The following LARS2 variants were observed in gnomAD, a reference collection of about 807,000 sequenced individuals.
LARS2 encodes leucyl-tRNA synthetase 2, mitochondrial.
A neutral mutation model predicts 116.6 loss-of-function variants in LARS2; 81 were observed. The ratio of observed to expected loss-of-function variants is 0.69; its 90% CI spans 0.58 to 0.84. The LOEUF is 0.84. Ranked by LOEUF, LARS2 falls within the 40% of genes least tolerant of loss-of-function variation. The probability of loss-of-function intolerance (pLI) is 0.00; values close to 1 mark genes in which losing one functional copy is unlikely to be tolerated. For missense variants in LARS2, 968 were observed against 1,114.5 expected, an observed-to-expected ratio of 0.87 and a Z score of 1.87; for synonymous variants, 396 against 407.2, an observed-to-expected ratio of 0.97 and a Z score of 0.33.
intron 13 of LARS2, among the ~76,000 whole-genome samples, chr3:45,495,716 C>T (rs185509211): frequency 3.2e-4 from 49 of 152,238 alleles, no homozygotes; most frequent in African/African-American, 1.2e-3. Context: ...AGGCTTTCTA[C>T]CAGGTTAAAT....
At chr3:45,487,879 A>G (rs973069542) in intron 11 of LARS2, among the ~76,000 whole-genome samples, 2 of 152,160 alleles carry the variant, frequency 1.3e-5, no homozygotes, top group Non-Finnish European at 2.9e-5. Flanking sequence ...TCAAGGACAT[A>G]TGTGAGTTAA....
In LARS2 at chr3:45,417,826, A is replaced by G. The variant is rs542817635; in HGVS notation, c.455+253A>G. On this transcript the variant is annotated intron_variant, in intron 5 of 21. Transcript: ENST00000645846. Reference sequence around the variant, plus strand: ...GTTATTTACAGTTATTTTTCCTTCGAGTATTTACATTCGGTAGGAAAAAGA... The same window carrying G: ...GTTATTTACAGTTATTTTTCCTTCGGGTATTTACATTCGGTAGGAAAAAGA... Among the ~76,000 whole-genome samples, 17 of 152,288 alleles carry G rather than the reference A, an allele frequency of 1.1e-4. No individual in the cohort carries two copies. The South Asian group carries it at 3.1e-3, about 28-fold the overall frequency.
At chr3:45,390,503 A>AG in intron 1 of LARS2, among the ~76,000 whole-genome samples, 2 of 149,308 alleles carry the variant, frequency 1.3e-5, no homozygotes, top group South Asian at 4.2e-4. Context: ...TAGTAGAGAC[A>AG]GGGTTTCACC....
intron 16 of LARS2, among the ~76,000 whole-genome samples, chr3:45,515,875 C>T (rs755571378): frequency 5.9e-5 from 9 of 152,030 alleles, no homozygotes; most frequent in Admixed American, 3.3e-4. Flanking sequence ...CCTGTTTATT[C>T]GCGAAGGTTT....
chr3:45,520,851 A>G (rs773094531), intron 19 of LARS2, among the ~76,000 whole-genome samples: 55 of 152,218 alleles, frequency 3.6e-4, no homozygotes, highest in Non-Finnish European at 7.1e-4. Context: ...CATTAAAGCT[A>G]TTAACAAATG....
intron 20 of LARS2, among the ~76,000 whole-genome samples, chr3:45,540,146 C>G (rs1700768839): frequency 6.6e-6 from 1 of 152,038 alleles, no homozygotes; most frequent in African/African-American, 2.4e-5. Context: ...GTAACCCCAG[C>G]TACTCAGGAG....
At chr3:45,544,635 A>G (rs911454892) in intron 21 of LARS2, among the ~76,000 whole-genome samples, 2 of 152,178 alleles carry the variant, frequency 1.3e-5, no homozygotes, top group African/African-American at 4.8e-5. Flanking sequence ...GACTAACCCT[A>G]TCTTACAGGC....
At chr3:45,399,462 TG>T (rs1698105097) in intron 3 of LARS2, among the ~76,000 whole-genome samples, 1 of 149,870 alleles carries the variant, frequency 6.7e-6, no homozygotes, top group African/African-American at 2.4e-5. Flanking sequence ...AAAAGAGAAG[TG>T]TTTTTTTGTT....
At chr3:45,435,224 G>A (rs774417827) in intron 6 of LARS2, among the ~76,000 whole-genome samples, 3 of 152,158 alleles carry the variant, frequency 2.0e-5, no homozygotes, top group Non-Finnish European at 4.4e-5. Flanking sequence ...AGAGGGAGGT[G>A]TACCTCATTC....
At chr3:45,540,114 C>T (rs1426993704) in intron 20 of LARS2, among the ~76,000 whole-genome samples, 2 of 151,944 alleles carry the variant, frequency 1.3e-5, no homozygotes, top group Non-Finnish European at 2.9e-5. Context: ...AAAAAATTAG[C>T]CAGGCATGGT....
Position 45,485,706 on chromosome 3 carries a change from G to C in LARS2, c.1033G>C (p.Val345Leu), listed in dbSNP as rs143856947. 8 of 1,606,130 alleles carry C rather than the reference G, an allele frequency of 5.0e-6. No individual in the cohort carries two copies. The highest frequency in any genetic ancestry group is 6.8e-6 in the Non-Finnish European group (8 of 1,175,924). The change falls in exon 11 of 22, where the codon GTA becomes CTA. Residue 345 changes from valine (V) to leucine (L), a missense_variant. Physicochemically the swap from Val to Leu is conservative, Grantham distance 32 (BLOSUM62 1). Coordinates refer to ENST00000645846, the MANE Select transcript of LARS2 (RefSeq NM_015340.4). ...CTCATTTTCAGATTGCCTCACGCCT[G>C]TAATGGCTGTGAACATGCTTACCCA... ...LVPGKDCLTP[V>L]MAVNMLTQQE...
chr3:45,541,970 C>T lies in LARS2; in HGVS notation c.2532+14C>T, dbSNP rs1247333830. The T allele has an allele frequency of 1.9e-6, 3 of 1,613,984 alleles. No individual in the cohort carries two copies. The highest frequency in any genetic ancestry group is 2.5e-6 in the Non-Finnish European group (3 of 1,179,860). On this transcript the variant is annotated intron_variant, in intron 21 of 21. Coordinates refer to ENST00000645846, the MANE Select transcript of LARS2 (RefSeq NM_015340.4). ...ATGGCAGTTCTGGTAAGTATCTCCC[C>T]TCAACCCCAGAACCCAGCAGTCCCT...
At chr3:45,469,571 C>G (rs1699486289) in intron 8 of LARS2, among the ~76,000 whole-genome samples, 1 of 152,022 alleles carries the variant, frequency 6.6e-6, no homozygotes, top group Admixed American at 6.6e-5. Flanking sequence ...GTCTCAAGCT[C>G]CTGACCTCGT....
chr3:45,515,357 G>A (rs761895552), intron 16 of LARS2, among the ~76,000 whole-genome samples: 4 of 152,192 alleles, frequency 2.6e-5, no homozygotes, highest in Non-Finnish European at 5.9e-5. Flanking sequence ...GGACCTGATG[G>A]TCCCAGTGCT....
chr3:45,494,866 G>A (rs539762511), intron 13 of LARS2, among the ~76,000 whole-genome samples: 26 of 152,256 alleles, frequency 1.7e-4, no homozygotes, highest in Middle Eastern at 3.4e-3. Context: ...TCAAGAGTTC[G>A]AGACCAGCCT....
intron 3 of LARS2, among the ~76,000 whole-genome samples, chr3:45,399,057 CTA>C (rs1698098359): frequency 1.3e-5 from 2 of 152,192 alleles, no homozygotes; most frequent in Non-Finnish European, 2.9e-5. Flanking sequence ...GTACAGTTGT[CTA>C]TGTTTCTCAT....
intron 20 of LARS2, among the ~76,000 whole-genome samples, chr3:45,525,043 A>T (rs1349855362): frequency 6.6e-6 from 1 of 152,194 alleles, no homozygotes; most frequent in Non-Finnish European, 1.5e-5. Context: ...CTACTTTAAA[A>T]CATAGTACTC....
At chr3:45,399,759 T>G (rs1416265552) in intron 3 of LARS2, among the ~76,000 whole-genome samples, 1 of 152,042 alleles carries the variant, frequency 6.6e-6, no homozygotes, top group Non-Finnish European at 1.5e-5. Context: ...TAGGCTGTAC[T>G]CTATTTGTAG....
At chr3:45,517,651 G>A (rs1278674233) in intron 17 of LARS2, among the ~76,000 whole-genome samples, 2 of 152,166 alleles carry the variant, frequency 1.3e-5, no homozygotes, top group African/African-American at 4.8e-5. Flanking sequence ...ACCGTTGGTG[G>A]GTGGCACTTT....
Sources: gnomAD v4.1 joint callset for allele counts (sites outside exome capture counted in the v4.1 genomes callset) on GRCh38, gnomAD v4.1.1 for gene constraint, MANE v1.5 for transcripts, NCBI Gene and HGNC (gene_info 2026-07-23, HGNC 2026-07-21) for gene names.